VPS26B: variants seen among roughly 807,000 people sequenced by gnomAD.
VPS26B encodes VPS26 retromer complex component B, also known as vacuolar protein sorting-associated protein 26B.
In VPS26B, 10 loss-of-function variants were observed where a neutral mutation model predicts 33.3. That is an observed-to-expected ratio of 0.30 (90% CI 0.19 to 0.51). VPS26B has a LOEUF of 0.51. Ranked by LOEUF, VPS26B falls within the 20% of genes least tolerant of loss-of-function variation. The pLI is 0.98. For synonymous variants in VPS26B, 190 were observed against 176.9 expected, an observed-to-expected ratio of 1.07 and a Z score of -0.59; for missense variants, 317 against 452.7, an observed-to-expected ratio of 0.70 and a Z score of 2.72.
rs969327819 is a variant in VPS26B at position 134,235,121 on chromosome 11, C to T, written c.380+68C>T. The T allele has an allele frequency of 3.3e-5, 50 of 1,535,188 alleles. No homozygotes were observed. The East Asian group carries it at 6.7e-4, about 21-fold the overall frequency. On this transcript the variant is annotated intron_variant, in intron 2 of 5. Coordinates refer to ENST00000281187, the MANE Select transcript of VPS26B (RefSeq NM_052875.5). The stretch of plus-strand genomic sequence containing the variant: ...CCCCATGTGGACAAGGACCTGAGGC[C>T]GTCCCCACTTTGAGAATCTTCACAG...
Position 134,244,669 on chromosome 11 carries a change from TATACTA to T in VPS26B, c.722-265_722-260del. The T allele has an allele frequency of 2.7e-6, 1 of 375,566 alleles. No homozygotes were observed. The allele number at this position is 375,566 out of a possible 1,614,324, so 23.3% of individuals were successfully genotyped here. A position where few individuals can be genotyped will look rare whatever the true frequency, so the allele number is the denominator to read the frequency against. On this transcript the variant is annotated intron_variant, in intron 4 of 5. Transcript: ENST00000281187. The surrounding 1 kb of genome is among the most constrained non-coding windows in gnomAD (Gnocchi z 4.0). ...ACACTGCATGTAATCAAAAGATGCT[TATACTA>T]ATAATGACCTGTGCTGTTCCCACTC...
rs759323026 is a variant in VPS26B, at chr11:134,243,278, C to T, written c.705C>T (p.Asp235=). ...NDTIAKYEIM[D]GAPVRGESIP... is the part of the protein sequence containing the mutation. ...CGATAGCCAAGTACGAGATCATGGA[C>T]GGGGCACCAGTGCGAGGTGAGACTC... Residue 235 remains aspartate, a synonymous_variant, in exon 4 of 6, where the codon GAC becomes GAT. Transcript: ENST00000281187. The T allele has an allele frequency of 1.7e-5, 28 of 1,614,038 alleles. No individual in the cohort carries two copies. Among genetic ancestry groups the T allele is most frequent in the Admixed American group, 1.3e-4 (8 of 60,016 alleles).
intron 2 of VPS26B, among the ~76,000 whole-genome samples, chr11:134,239,474 C>A (rs1938684878): frequency 6.6e-6 from 1 of 152,254 alleles, no homozygotes; most frequent in South Asian, 2.1e-4. Flanking sequence ...TTTCCTAGTC[C>A]CCTCTTTTAA....
chr11:134,238,888 C>T (rs1418896605), intron 2 of VPS26B, among the ~76,000 whole-genome samples: 4 of 152,158 alleles, frequency 2.6e-5, no homozygotes, highest in Non-Finnish European at 5.9e-5. Flanking sequence ...AACCACCGCG[C>T]CTGGCCATAT....
Position 134,234,614 on chromosome 11 carries a change from T to C in VPS26B, c.224-283T>C, listed in dbSNP as rs147277319. Among the ~76,000 whole-genome samples the C allele has an allele frequency of 8.9e-3, 1,354 of 152,314 alleles. 7 individuals are homozygous for C. Among genetic ancestry groups the C allele is most frequent in the Non-Finnish European group, 0.013 (887 of 68,022 alleles). On this transcript the variant is annotated intron_variant, in intron 1 of 5. Transcript: ENST00000281187. ...GTGGCATTTCTTATATTGGCTCCCA[T>C]GACTTACCCTTATTAAAAGATGGTG...
intron 1 of VPS26B, among the ~76,000 whole-genome samples, chr11:134,229,519 T>C (rs1938528342): frequency 1.3e-5 from 2 of 152,264 alleles, no homozygotes; most frequent in South Asian, 4.1e-4. Flanking sequence ...TCTCCTTTTT[T>C]CCCCATTTCG....
At chr11:134,228,737 A>G (rs1327452392) in intron 1 of VPS26B, among the ~76,000 whole-genome samples, 1 of 152,238 alleles carries the variant, frequency 6.6e-6, no homozygotes, top group Non-Finnish European at 1.5e-5. Context: ...TGTGTCAGTC[A>G]TTGTAAACTG....
Position 134,225,217 on chromosome 11 carries a change from GGAA to G in VPS26B, c.100_102del (p.Lys34del), listed in dbSNP as rs752243465. 2.8e-5 allele frequency: 45 copies of G among 1,614,060 alleles called. No individual in the cohort carries two copies. Among genetic ancestry groups the G allele is most frequent in the Admixed American group, 2.2e-4 (13 of 60,012 alleles). The stretch of plus-strand genomic sequence containing the variant: ...CGGGCCGAGCACAAGACGGAGGACG[GGAA>G]GAAGGAGAAATATTTCCTCTTCTAC... On this transcript the variant is annotated inframe_deletion, in exon 1 of 6. Coordinates refer to ENST00000281187, the MANE Select transcript of VPS26B (RefSeq NM_052875.5).
At chr11:134,242,892 A>G (rs1938754694) in intron 3 of VPS26B, among the ~76,000 whole-genome samples, 1 of 152,234 alleles carries the variant, frequency 6.6e-6, no homozygotes, top group African/African-American at 2.4e-5. Context: ...ACCATGCAGG[A>G]GAGACGTCCT....
At chr11:134,225,581 C>T in intron 1 of VPS26B, 1 of 538,612 alleles carries the variant, frequency 1.9e-6, no homozygotes. Context: ...CGGGAGGAAG[C>T]GCCCTGCTGT....
chr11:134,240,794 C>CGTGTGTGTGTGTGTGTGT lies in VPS26B; in HGVS notation c.545+656_545+673dup, dbSNP rs55726358. Among the ~76,000 whole-genome samples, 51 of 138,532 alleles carry CGTGTGTGTGTGTGTGTGT rather than the reference C, an allele frequency of 3.7e-4. 2 individuals are homozygous for CGTGTGTGTGTGTGTGTGT. The highest frequency in any genetic ancestry group is 6.5e-4 in the Non-Finnish European group (42 of 64,946). The allele number at this position is 138,532 out of a possible 152,430, so 90.9% of individuals were successfully genotyped here. A position where few individuals can be genotyped will look rare whatever the true frequency, so the allele number is the denominator to read the frequency against. Reference sequence around the variant, plus strand: ...GTGTCCGTGTGTGTGTGTGTGTGTCCGTGTGTGTGTGTGTGTGTGTGTGTG... The same window carrying CGTGTGTGTGTGTGTGTGT: ...GTGTCCGTGTGTGTGTGTGTGTGTCCGTGTGTGTGTGTGTGTGTGTGTGTGTGTGTGTGTGTGTGTGTG... On this transcript the variant is annotated intron_variant, in intron 3 of 5. Coordinates refer to ENST00000281187, the MANE Select transcript of VPS26B (RefSeq NM_052875.5). The surrounding 1 kb of genome is among the most constrained non-coding windows in gnomAD (Gnocchi z 4.4).
chr11:134,241,268 G>GAGCT (rs144466142), intron 3 of VPS26B, among the ~76,000 whole-genome samples: 11,734 of 152,210 alleles, frequency 0.077, 461 homozygotes, highest in Middle Eastern at 0.11. Flanking sequence ...GGAGCAGTGG[G>GAGCT]AGCTGCACCA....
chr11:134,235,323 A>T (rs1938616398), intron 2 of VPS26B: 2 of 322,472 alleles, frequency 6.2e-6, no homozygotes, highest in Non-Finnish European at 1.1e-5. Flanking sequence ...GGTGGGAGAG[A>T]TGTGCTATTA....
chr11:134,246,648 T>G lies in VPS26B; in HGVS notation c.*1058T>G, dbSNP rs1470816798. 6.6e-6 allele frequency: 1 copy of G among 152,484 alleles called. No homozygotes were observed. Among genetic ancestry groups the G allele is most frequent in the Non-Finnish European group, 1.5e-5 (1 of 68,048 alleles). The allele number at this position is 152,484 out of a possible 1,614,324, so 9.4% of individuals were successfully genotyped here. On this transcript the variant is annotated 3_prime_UTR_variant, in exon 6 of 6. Transcript: ENST00000281187. The stretch of plus-strand genomic sequence containing the variant: ...GGAGACCAGGGCCTCGGCAGAAGAC[T>G]GCTGCCACACTTCCGAATCATTCTG...
At position 134,244,218 on chromosome 11, in the gene VPS26B, T is replaced by G. The variant is rs1938775812; in HGVS notation, c.722-720T>G. 1 of 152,202 alleles carries G rather than the reference T, an allele frequency of 6.6e-6. No individual in the cohort carries two copies. The allele number at this position is 152,202 out of a possible 1,614,324, so 9.4% of individuals were successfully genotyped here. On this transcript the variant is annotated intron_variant, in intron 4 of 5. Coordinates refer to ENST00000281187, the MANE Select transcript of VPS26B (RefSeq NM_052875.5). This position sits in a 1 kb window ranked among gnomAD's most constrained non-coding sequence, Gnocchi z 4.0. Reference sequence around the variant, plus strand: ...AATGAAATGGGTCACTGAGAATGCATGTAAAAGAGCAGATAATGATAAGAT... The same window carrying G: ...AATGAAATGGGTCACTGAGAATGCAGGTAAAAGAGCAGATAATGATAAGAT...
rs1352111142 is a variant in VPS26B at position 134,245,629 on chromosome 11, ACCC to A, written c.*42_*44del. On this transcript the variant is annotated 3_prime_UTR_variant, in exon 6 of 6. Transcript: ENST00000281187. This position sits in a 1 kb window ranked among gnomAD's most constrained non-coding sequence, Gnocchi z 4.7. ...AGAAGATGCTGGGCACCCACCCAGC[ACCC>A]CCATCTACCAACACCAGCGGCTGGG... 2 of 1,567,094 alleles carry A rather than the reference ACCC, an allele frequency of 1.3e-6. No homozygotes were observed. The highest frequency in any genetic ancestry group is 2.7e-5 in the African/African-American group (2 of 73,872).
chr11:134,229,876 C>G (rs1565354861), intron 1 of VPS26B, among the ~76,000 whole-genome samples: 1 of 152,224 alleles, frequency 6.6e-6, no homozygotes, highest in African/African-American at 2.4e-5. Context: ...CCCTCCTGCT[C>G]TGGCCCTCCC....
intron 4 of VPS26B, 70 bp downstream of exon 4, chr11:134,243,364 G>C (rs1938762906): frequency 1.9e-6 from 3 of 1,558,454 alleles, no homozygotes; most frequent in Non-Finnish European, 2.6e-6. Context: ...TTCTGGAGGG[G>C]CTTGAGGGAT....
chr11:134,245,649 G>T lies in VPS26B; in HGVS notation c.*59G>T. On this transcript the variant is annotated 3_prime_UTR_variant, in exon 6 of 6. Transcript: ENST00000281187. This position sits in a 1 kb window ranked among gnomAD's most constrained non-coding sequence, Gnocchi z 4.7. ...CCAGCACCCCCATCTACCAACACCA[G>T]CGGCTGGGGGCGGGGGCGGACCTTG... is the stretch of plus-strand genomic sequence containing the variant. 6.5e-7 allele frequency: 1 copy of T among 1,528,764 alleles called. No individual in the cohort carries two copies. The highest frequency in any genetic ancestry group is 8.8e-7 in the Non-Finnish European group (1 of 1,137,078). The allele number at this position is 1,528,764 out of a possible 1,614,324, so 94.7% of individuals were successfully genotyped here.
Sources: gnomAD v4.1 joint callset for allele counts (sites outside exome capture counted in the v4.1 genomes callset) on GRCh38, gnomAD v4.1.1 for gene constraint, Gnocchi (gnomAD v3.1) non-coding constraint, MANE v1.5 for transcripts, NCBI Gene and HGNC (gene_info 2026-07-23, HGNC 2026-07-21) for gene names.